DNAH5: variants seen among roughly 807,000 people sequenced by gnomAD.
DNAH5 encodes the protein axonemal beta dynein heavy chain 5.
A neutral mutation model predicts 518.2 loss-of-function variants in DNAH5; 372 were observed. That is an observed-to-expected ratio of 0.72 (90% CI 0.66 to 0.78). DNAH5 has a LOEUF of 0.78. DNAH5 is among the 30% of genes least tolerant of loss of function. The pLI is 0.00. For missense variants in DNAH5, 5,523 were observed against 5,687.0 expected, an observed-to-expected ratio of 0.97 and a Z score of 0.93; for synonymous variants, 2,039 against 2,025.9, an observed-to-expected ratio of 1.01 and a Z score of -0.17.
At chr5:13,890,537 C>T (rs1241285665) in intron 17 of DNAH5, among the ~76,000 whole-genome samples, 13 of 152,148 alleles carry the variant, frequency 8.5e-5, no homozygotes, top group Non-Finnish European at 1.3e-4. Flanking sequence ...TCTCAGGATT[C>T]CCAGCAATGG....
At position 13,727,551 on chromosome 5, in the gene DNAH5, G is replaced by T; in HGVS notation, c.11989C>A (p.Leu3997Ile). ...GGACACCAGGATCTAATAAGGAGAA[G>T]ACGTCTGAAGCAGTCAAGAGATTTA... ...YDKSLDCFRR[L>I]LLIRSWCPDR... Residue 3997 changes from leucine to isoleucine, a missense_variant, in exon 70 of 79, where the codon CTT becomes ATT. Leu to Ile is a conservative substitution (Grantham distance 5). This residue lies in a region of DNAH5 where 5,121 missense variants were observed against 5,223.3 expected (regional missense o/e 0.98). Coordinates refer to ENST00000265104, the MANE Select transcript of DNAH5 (RefSeq NM_001369.3). 6.2e-7 allele frequency: 1 copy of T among 1,613,826 alleles called. No homozygotes were observed. Among genetic ancestry groups the T allele is most frequent in the Non-Finnish European group, 8.5e-7 (1 of 1,179,784 alleles).
chr5:13,837,164 A>T (rs1166873350), intron 35 of DNAH5, among the ~76,000 whole-genome samples: 3 of 152,250 alleles, frequency 2.0e-5, no homozygotes, highest in Non-Finnish European at 2.9e-5. Context: ...GGACAGAACT[A>T]CAAAAAGAAC....
At chr5:13,941,124 G>A (rs1270969565) in intron 1 of DNAH5, among the ~76,000 whole-genome samples, 7 of 152,142 alleles carry the variant, frequency 4.6e-5, no homozygotes, top group Non-Finnish European at 7.3e-5. Context: ...AGGCTGAGGC[G>A]GGAGGATTGC....
intron 47 of DNAH5, among the ~76,000 whole-genome samples, chr5:13,798,147 T>C (rs1444002221): frequency 6.6e-6 from 1 of 152,178 alleles, no homozygotes; most frequent in Non-Finnish European, 1.5e-5. Context: ...GGCACATGTA[T>C]ACCTATGTAT....
At chr5:13,882,366 A>C (rs1580728660) in intron 21 of DNAH5, among the ~76,000 whole-genome samples, 2 of 152,064 alleles carry the variant, frequency 1.3e-5, no homozygotes, top group South Asian at 2.1e-4. Flanking sequence ...AAAAAAAAAA[A>C]AAAACTACAG....
At chr5:13,866,145 A>C in intron 26 of DNAH5, 75 bp downstream of exon 26, 1 of 1,414,798 alleles carries the variant, frequency 7.1e-7, no homozygotes. Context: ...TATCTTACAA[A>C]GAAGAAAACA....
chr5:13,944,910 G>A (rs1779788855), upstream of DNAH5, among the ~76,000 whole-genome samples: 1 of 152,144 alleles, frequency 6.6e-6, no homozygotes, highest in South Asian at 2.1e-4. Context: ...AATCCAAGAA[G>A]CCACAGCTCT....
intron 21 of DNAH5, among the ~76,000 whole-genome samples, chr5:13,881,107 G>A (rs114026867): frequency 5.0e-4 from 76 of 151,966 alleles, no homozygotes; most frequent in Non-Finnish European, 8.4e-4. Flanking sequence ...TATTATAATC[G>A]TAAATACATA....
At chr5:13,793,765 C>T in intron 48 of DNAH5, 37 bp from the exon 49 acceptor site, 3 of 1,601,050 alleles carry the variant, frequency 1.9e-6, no homozygotes, top group African/African-American at 2.7e-5. Context: ...AGCATCATTC[C>T]TTTCTATCCC....
chr5:13,842,100 C>A (rs1765266095), intron 32 of DNAH5, among the ~76,000 whole-genome samples, 196 bp from the exon 33 acceptor site: 1 of 151,422 alleles, frequency 6.6e-6, no homozygotes, highest in African/African-American at 2.4e-5. Flanking sequence ...CAATTCCAGG[C>A]CAGGCACAGT....
chr5:13,819,345 G>T (rs2151811861), intron 41 of DNAH5, among the ~76,000 whole-genome samples: 1 of 152,262 alleles, frequency 6.6e-6, no homozygotes, highest in Middle Eastern at 3.4e-3. Context: ...TCTGAGGACT[G>T]CCTGGTAGAG....
chr5:13,770,665 T>C, intron 56 of DNAH5, 84 bp downstream of exon 56: 2 of 1,267,596 alleles, frequency 1.6e-6, no homozygotes, highest in South Asian at 2.5e-5. Context: ...TCTCCGGTCA[T>C]TGCAAAATAG....
In DNAH5 at chr5:13,737,247, C is replaced by A; in HGVS notation, c.11455+5G>T. 1 of 1,614,046 alleles carries A rather than the reference C, an allele frequency of 6.2e-7. No homozygotes were observed. The highest frequency in any genetic ancestry group is 8.5e-7 in the Non-Finnish European group (1 of 1,179,962). On this transcript the variant is annotated splice_donor_5th_base_variant and intron_variant, in intron 66 of 78. Transcript: ENST00000265104. Reference sequence around the variant, plus strand: ...GTGACATTTGTCTTTCATTACCAAACTCACCAGGTCTGTATTCCTCCCGGG... The same window carrying A: ...GTGACATTTGTCTTTCATTACCAAAATCACCAGGTCTGTATTCCTCCCGGG...
At chr5:13,737,112 TTTCCCAACAGAAA>T in intron 66 of DNAH5, 127 bp downstream of exon 66, 1 of 1,401,504 alleles carries the variant, frequency 7.1e-7, no homozygotes, top group South Asian at 1.2e-5. Context: ...TTACGGAATA[TTTCCCAACAGAAA>T]TTCCACAAAA....
chr5:13,992,093 G>C (rs572581673), intron 1 of DNAH5, among the ~76,000 whole-genome samples: 1 of 152,160 alleles, frequency 6.6e-6, no homozygotes. Context: ...ATGAATCAAG[G>C]TTCCTTTTGC....
intron 18 of DNAH5, 69 bp downstream of exon 18, chr5:13,885,895 G>C: frequency 7.1e-7 from 1 of 1,404,854 alleles, no homozygotes; most frequent in Non-Finnish European, 1.0e-6. Context: ...TTGGTATGTA[G>C]AAAATGCAGT....
chr5:13,811,118 GA>G, intron 44 of DNAH5, among the ~76,000 whole-genome samples: 1 of 152,276 alleles, frequency 6.6e-6, no homozygotes, highest in East Asian at 1.9e-4. Flanking sequence ...TGGGGATGAT[GA>G]ATGGGTGCAA....
At chr5:13,928,744 A>C (rs1025116608) in intron 2 of DNAH5, among the ~76,000 whole-genome samples, 19 of 152,214 alleles carry the variant, frequency 1.2e-4, no homozygotes, top group African/African-American at 4.6e-4. Context: ...CTTCTTTTAA[A>C]TAGTCAATAG....
intron 1 of DNAH5, among the ~76,000 whole-genome samples, chr5:13,960,524 C>T (rs190168673): frequency 4.6e-5 from 7 of 152,306 alleles, no homozygotes; most frequent in South Asian, 2.1e-4. Flanking sequence ...CCCATGGCTG[C>T]GTTCATGCTA....
Sources: allele counts gnomAD v4.1 joint callset (sites outside exome capture counted in the v4.1 genomes callset), GRCh38; gene constraint gnomAD v4.1.1; regional missense constraint gnomAD v4.1.1; transcripts MANE v1.5; gene names NCBI Gene and HGNC (gene_info 2026-07-23, HGNC 2026-07-21).